Variants in PLEKHA8 observed in about 807,000 individuals in gnomAD.
The protein encoded by PLEKHA8 is pleckstrin homology domain containing A8.
Under a neutral mutation model 68.2 loss-of-function variants are expected in PLEKHA8, and 36 were observed. The ratio of observed to expected loss-of-function variants is 0.53; its 90% CI spans 0.40 to 0.70. PLEKHA8 has a LOEUF of 0.70. PLEKHA8 is among the 30% of genes least tolerant of loss of function. The pLI is 0.00. For synonymous variants in PLEKHA8, 211 were observed against 216.1 expected, an observed-to-expected ratio of 0.98 and a Z score of 0.20; for missense variants, 505 against 615.4, an observed-to-expected ratio of 0.82 and a Z score of 1.90.
At chr7:30,074,836 C>T (rs951777214) in intron 13 of PLEKHA8, among the ~76,000 whole-genome samples, 1 of 152,152 alleles carries the variant, frequency 6.6e-6, no homozygotes, top group Non-Finnish European at 1.5e-5. Context: ...CCCTCTTCTT[C>T]CCAGCATGTT....
At chr7:30,058,980 G>A (rs1369007355) in intron 9 of PLEKHA8, among the ~76,000 whole-genome samples, 4 of 152,206 alleles carry the variant, frequency 2.6e-5, no homozygotes, top group Non-Finnish European at 5.9e-5. Flanking sequence ...AATTAGCCAG[G>A]TGTGATGGCG....
intron 12 of PLEKHA8, among the ~76,000 whole-genome samples, chr7:30,069,449 A>C (rs1298756515): frequency 6.6e-6 from 1 of 152,236 alleles, no homozygotes. Flanking sequence ...GTAGAAAAAC[A>C]CTTTCCTGTA....
chr7:30,053,520 G>T (rs555617086), intron 7 of PLEKHA8, among the ~76,000 whole-genome samples: 2 of 152,200 alleles, frequency 1.3e-5, no homozygotes, highest in Admixed American at 1.3e-4. Flanking sequence ...CAGTGTGGGA[G>T]TTGAGGGAAG....
chr7:30,064,309 T>G (rs185989158), intron 12 of PLEKHA8, among the ~76,000 whole-genome samples: 71 of 152,212 alleles, frequency 4.7e-4, no homozygotes, highest in African/African-American at 1.6e-3. Flanking sequence ...GCCTGTACTT[T>G]CGGAGACTGA....
At chr7:30,037,612 T>C (rs1791200009) in intron 1 of PLEKHA8, among the ~76,000 whole-genome samples, 1 of 152,228 alleles carries the variant, frequency 6.6e-6, no homozygotes, top group South Asian at 2.1e-4. Flanking sequence ...ACCTTTTCTT[T>C]CTCCCATTCT....
chr7:30,125,588 T>C (rs1796758973), intron 13 of PLEKHA8, among the ~76,000 whole-genome samples: 1 of 152,234 alleles, frequency 6.6e-6, no homozygotes, highest in African/African-American at 2.4e-5. Context: ...ATGCTTTGCC[T>C]GATGATATTA....
At position 30,079,581 on chromosome 7, in the gene PLEKHA8, T is replaced by C; in HGVS notation, c.*794T>C. The C allele has an allele frequency of 1.2e-6, 1 of 858,138 alleles. No homozygotes were observed. The highest frequency in any genetic ancestry group is 1.4e-6 in the Non-Finnish European group (1 of 714,120). The allele number at this position is 858,138 out of a possible 1,614,324, so 53.2% of individuals were successfully genotyped here. A position where few individuals can be genotyped will look rare whatever the true frequency, so the allele number is the denominator to read the frequency against. ...CAAGTAATGATACCCAGAGGGATTA[T>C]TACTCCACTTCAAAAGCAAGGTTTA... On this transcript the variant is annotated 3_prime_UTR_variant, in exon 14 of 14. Transcript: ENST00000449726.
rs150098479 is a variant in PLEKHA8, at chr7:30,049,934, C to T, written c.598-500C>T. Among the ~76,000 whole-genome samples the T allele has an allele frequency of 4.1e-4, 62 of 152,316 alleles. 1 individual carries two copies. Among genetic ancestry groups the T allele is most frequent in the African/African-American group, 1.3e-3 (56 of 41,574 alleles). Reference sequence around the variant, plus strand: ...TTTCCTGGATTAGCTCATACACATCCTCAAAGACTTAGTCTCTTCTTCCCT... The same window carrying T: ...TTTCCTGGATTAGCTCATACACATCTTCAAAGACTTAGTCTCTTCTTCCCT... On this transcript the variant is annotated intron_variant, in intron 5 of 13. Transcript: ENST00000449726.
chr7:30,053,177 A>C lies in PLEKHA8; in HGVS notation c.796+311A>C, dbSNP rs529079361. Among the ~76,000 whole-genome samples the C allele has an allele frequency of 3.3e-5, 5 of 152,332 alleles. No homozygotes were observed. In the East Asian group the frequency reaches 9.6e-4, roughly 29 times the overall value. On this transcript the variant is annotated intron_variant, in intron 7 of 13. Transcript: ENST00000449726. ...TCCTTTGAACTTAGATTATGATGTT[A>C]TACGTAACAGTGTGTAAAATTACAG...
intron 1 of PLEKHA8, among the ~76,000 whole-genome samples, chr7:30,044,303 C>G (rs184297424): frequency 4.0e-4 from 61 of 152,166 alleles, no homozygotes; most frequent in African/African-American, 1.4e-3. Context: ...CCACGCCTGG[C>G]CAGGATGACA....
chr7:30,071,358 C>A (rs527367075), intron 12 of PLEKHA8, among the ~76,000 whole-genome samples: 2 of 152,136 alleles, frequency 1.3e-5, no homozygotes, highest in African/African-American at 4.8e-5. Context: ...GCTCTCACAA[C>A]GCTGTGATGC....
chr7:30,115,645 CAT>C (rs1796428224), intron 13 of PLEKHA8, among the ~76,000 whole-genome samples: 1 of 151,806 alleles, frequency 6.6e-6, no homozygotes, highest in African/African-American at 2.4e-5. Context: ...TACATGCACA[CAT>C]GTACACATAC....
chr7:30,042,344 A>G (rs1791608351), intron 1 of PLEKHA8, among the ~76,000 whole-genome samples: 1 of 152,058 alleles, frequency 6.6e-6, no homozygotes, highest in South Asian at 2.1e-4. Flanking sequence ...ACACCCTGAC[A>G]CTCTACTGGT....
chr7:30,070,104 A>G (rs1434491246), intron 12 of PLEKHA8, among the ~76,000 whole-genome samples: 1 of 151,968 alleles, frequency 6.6e-6, no homozygotes, highest in East Asian at 1.9e-4. Context: ...TTTGCAGCGT[A>G]GAAGTCAGCT....
chr7:30,062,785 G>A, intron 12 of PLEKHA8, 43 bp downstream of exon 12: 2 of 1,463,164 alleles, frequency 1.4e-6, no homozygotes, highest in South Asian at 2.3e-5. Context: ...AATAGACTGT[G>A]GAATGGAGAC....
intron 13 of PLEKHA8, among the ~76,000 whole-genome samples, chr7:30,103,734 C>A (rs1267813304): frequency 6.6e-6 from 1 of 152,192 alleles, no homozygotes; most frequent in African/African-American, 2.4e-5. Context: ...TAAACCTCAA[C>A]CCCTACCTCA....
chr7:30,061,782 C>A, intron 10 of PLEKHA8, 115 bp from the exon 11 acceptor site: 3 of 1,131,040 alleles, frequency 2.7e-6, no homozygotes, highest in Non-Finnish European at 2.5e-6. Flanking sequence ...GTAATAGGAG[C>A]TTAATTTATT....
chr7:30,095,561 G>A (rs1237239363), downstream of PLEKHA8, among the ~76,000 whole-genome samples: 5 of 152,212 alleles, frequency 3.3e-5, no homozygotes, highest in African/African-American at 4.8e-5. Flanking sequence ...GGCTTTTGTT[G>A]CCATTGCTTT....
At chr7:30,099,173 G>C (rs1432510488) in intron 13 of PLEKHA8, among the ~76,000 whole-genome samples, 1 of 151,998 alleles carries the variant, frequency 6.6e-6, no homozygotes, top group East Asian at 1.9e-4. Context: ...CTCTAATATA[G>C]CCCCTTATCA....
Sources: gnomAD v4.1 joint callset for allele counts (sites outside exome capture counted in the v4.1 genomes callset) on GRCh38, gnomAD v4.1.1 for gene constraint, MANE v1.5 for transcripts, NCBI Gene and HGNC (gene_info 2026-07-23, HGNC 2026-07-21) for gene names.